Variants in MRPS6 observed in about 807,000 individuals in gnomAD.
MRPS6 encodes small ribosomal subunit protein bS6m.
MRPS6 carries 6 observed loss-of-function variants against 13.1 expected under a neutral mutation model. The ratio of observed to expected loss-of-function variants is 0.46; its 90% CI spans 0.25 to 0.91. The LOEUF (loss-of-function observed/expected upper bound fraction) is 0.91. Ranked by LOEUF, MRPS6 falls within the 40% of genes least tolerant of loss-of-function variation. The pLI is 0.18. For synonymous variants in MRPS6, 61 were observed against 56.5 expected, an observed-to-expected ratio of 1.08 and a Z score of -0.36; for missense variants, 164 against 155.6, an observed-to-expected ratio of 1.05 and a Z score of -0.29.
intron 1 of MRPS6, among the ~76,000 whole-genome samples, chr21:34,088,768 C>T (rs1239635601): frequency 1.3e-5 from 2 of 152,008 alleles, no homozygotes; most frequent in Non-Finnish European, 2.9e-5. Context: ...GTAAAATGGT[C>T]ATAATAATTG....
At chr21:34,125,525 A>T (rs1159598095) in intron 2 of MRPS6, 45 bp downstream of exon 2, 1 of 1,607,220 alleles carries the variant, frequency 6.2e-7, no homozygotes, top group Non-Finnish European at 8.5e-7. Flanking sequence ...TGATAGGCTC[A>T]GTAAAGAGTA....
chr21:34,098,809 T>A (rs1185479201), intron 1 of MRPS6: 1 of 999,910 alleles, frequency 1.0e-6, no homozygotes, highest in African/African-American at 1.7e-5. Context: ...TACGTACTTC[T>A]GTGTCTTCGT....
intron 1 of MRPS6, among the ~76,000 whole-genome samples, chr21:34,083,658 A>G (rs1365381138): frequency 5.3e-5 from 8 of 152,180 alleles, no homozygotes. Flanking sequence ...AGTTGTATGA[A>G]GTATAGTATC....
intron 1 of MRPS6, among the ~76,000 whole-genome samples, chr21:34,108,492 C>T (rs779624252): frequency 5.9e-5 from 9 of 152,146 alleles, no homozygotes; most frequent in South Asian, 2.1e-4. Context: ...TGCCTAACGA[C>T]GCATTTCTCA....
At chr21:34,076,382 C>G (rs758562486) in intron 1 of MRPS6, among the ~76,000 whole-genome samples, 2 of 152,160 alleles carry the variant, frequency 1.3e-5, no homozygotes, top group Non-Finnish European at 2.9e-5. Context: ...TGGATTGTAG[C>G]AAAGTCAGTT....
chr21:34,139,587 C>G (rs1291767231), intron 2 of MRPS6, among the ~76,000 whole-genome samples: 4 of 151,642 alleles, frequency 2.6e-5, no homozygotes, highest in African/African-American at 7.3e-5. Flanking sequence ...AAATTTAATG[C>G]TTTTTTTTGA....
chr21:34,091,359 AT>A (rs1250994719), intron 1 of MRPS6, among the ~76,000 whole-genome samples: 3 of 151,018 alleles, frequency 2.0e-5, no homozygotes, highest in Non-Finnish European at 4.4e-5. Context: ...GTGGTTTTTT[AT>A]TTTATTATTT....
intron 1 of MRPS6, among the ~76,000 whole-genome samples, chr21:34,119,879 G>GGACA (rs2148667407): frequency 6.6e-6 from 1 of 152,220 alleles, no homozygotes; most frequent in South Asian, 2.1e-4. Flanking sequence ...TTTATTTGGG[G>GGACA]GACAAGGAGA....
At chr21:34,106,915 T>C (rs1171152958) in intron 1 of MRPS6, among the ~76,000 whole-genome samples, 2 of 152,170 alleles carry the variant, frequency 1.3e-5, no homozygotes, top group Admixed American at 6.5e-5. Flanking sequence ...ATTTTGTCTT[T>C]CACGGTATTG....
intron 1 of MRPS6, chr21:34,102,274 T>C (rs1290543864): frequency 2.0e-6 from 2 of 999,594 alleles, no homozygotes; most frequent in Non-Finnish European, 2.4e-6. Flanking sequence ...TTAGTAGTCA[T>C]ATAAATGTTT....
At chr21:34,102,959 T>C (rs187435026) in intron 1 of MRPS6, 54 of 999,928 alleles carry the variant, frequency 5.4e-5, no homozygotes, top group Non-Finnish European at 6.3e-5. Flanking sequence ...TGTTTCCTAG[T>C]GCTGCTGGAT....
At chr21:34,094,444 T>C (rs1782995) in intron 1 of MRPS6, among the ~76,000 whole-genome samples, 9,101 of 152,232 alleles carry the variant, frequency 0.06, 317 homozygotes, top group Middle Eastern at 0.13. Context: ...CCAAACTCTC[T>C]TAGGATTCAT....
intron 1 of MRPS6, among the ~76,000 whole-genome samples, chr21:34,089,689 A>T (rs1279909624): frequency 3.3e-5 from 5 of 152,144 alleles, no homozygotes; most frequent in Admixed American, 3.3e-4. Flanking sequence ...AACTGATAAA[A>T]GTAGAGCTGT....
intron 1 of MRPS6, chr21:34,103,315 T>TA (rs11433558): frequency 0.46 from 416,409 of 897,866 alleles, 31,982 homozygotes; most frequent in African/African-American, 0.65. Flanking sequence ...GTGAAGGAAG[T>TA]AAAAAAAAAA....
chr21:34,104,741 T>TTGAGGAACACCCTTGGC (rs764914397), intron 1 of MRPS6: 620 of 1,000,278 alleles, frequency 6.2e-4, no homozygotes, highest in Middle Eastern at 2.6e-3. Context: ...AAAGAGAAGT[T>TTGAGGAACACCCTTGGC]TGAGGAACAC....
chr21:34,079,108 G>T (rs1375864693), intron 1 of MRPS6, among the ~76,000 whole-genome samples: 3 of 152,222 alleles, frequency 2.0e-5, no homozygotes, highest in Non-Finnish European at 4.4e-5. Context: ...TTGGCAGCCT[G>T]TGGCTTCCGG....
At chr21:34,103,777 A>G in intron 1 of MRPS6, 3 of 1,000,080 alleles carry the variant, frequency 3.0e-6, no homozygotes, top group Non-Finnish European at 3.6e-6. Flanking sequence ...TAATCTCAAT[A>G]AGTTTGTACC....
intron 1 of MRPS6, among the ~76,000 whole-genome samples, chr21:34,109,688 G>T (rs1354188264): frequency 6.6e-6 from 1 of 152,054 alleles, no homozygotes; most frequent in East Asian, 1.9e-4. Flanking sequence ...TCCCAGAGGT[G>T]CCCAGTGTTG....
Position 34,116,178 on chromosome 21 carries a change from T to TTGTGTGTGTGTGTG in MRPS6, c.46-9137_46-9124dup, listed in dbSNP as rs57694757. Among the ~76,000 whole-genome samples the TTGTGTGTGTGTGTG allele has an allele frequency of 8.6e-4, 121 of 141,380 alleles. 2 individuals are homozygous for TTGTGTGTGTGTGTG. The highest frequency in any genetic ancestry group is 3.5e-3 in the Middle Eastern group (1 of 282). The allele number at this position is 141,380 out of a possible 152,430, so 92.8% of individuals were successfully genotyped here. On this transcript the variant is annotated intron_variant, in intron 1 of 2. Transcript: ENST00000399312. Reference sequence around the variant, plus strand: ...TGTGTCCCACCATGCCCAGCTAATTTTGTGTGTGTGTGTGTGTGTGTGTGT... The same window carrying TTGTGTGTGTGTGTG: ...TGTGTCCCACCATGCCCAGCTAATTTTGTGTGTGTGTGTGTGTGTGTGTGTGTGTGTGTGTGTGT...
Sources: gnomAD v4.1 joint callset for allele counts (sites outside exome capture counted in the v4.1 genomes callset) on GRCh38, gnomAD v4.1.1 for gene constraint, MANE v1.5 for transcripts, NCBI Gene and HGNC (gene_info 2026-07-23, HGNC 2026-07-21) for gene names.